EXOC4: variants seen among roughly 807,000 people sequenced by gnomAD.
EXOC4 encodes the protein SEC8-like 1.
A neutral mutation model predicts 107.2 loss-of-function variants in EXOC4; 71 were observed. The ratio of observed to expected loss-of-function variants is 0.66; its 90% CI spans 0.55 to 0.81. EXOC4 has a LOEUF of 0.81. Among genes scored for constraint, EXOC4 ranks in the 30% least tolerant of loss-of-function variants. EXOC4 has a pLI of 0.00. For missense variants in EXOC4, 1,108 were observed against 1,189.6 expected (o/e 0.93, Z 1.01); for synonymous variants, 456 against 441.2 (o/e 1.03, Z -0.42).
chr7:133,649,499 T>A (rs1374626604), intron 10 of EXOC4, among the ~76,000 whole-genome samples: 3 of 146,554 alleles, frequency 2.0e-5, no homozygotes, highest in Non-Finnish European at 4.5e-5. Flanking sequence ...CAGTAAAGAT[T>A]ATTTATAACT....
chr7:133,763,634 A>G (rs768952796), intron 10 of EXOC4, among the ~76,000 whole-genome samples: 6 of 151,958 alleles, frequency 3.9e-5, no homozygotes, highest in Admixed American at 2.6e-4. Context: ...TGTTACTGTC[A>G]TATAGGATTG....
chr7:133,856,626 T>C (rs896669641), intron 11 of EXOC4, among the ~76,000 whole-genome samples: 1 of 152,192 alleles, frequency 6.6e-6, no homozygotes, highest in Non-Finnish European at 1.5e-5. Flanking sequence ...TGGTACCTCT[T>C]AGATATCATT....
intron 11 of EXOC4, among the ~76,000 whole-genome samples, chr7:133,829,479 G>A (rs994320220): frequency 2.0e-5 from 3 of 152,204 alleles, no homozygotes; most frequent in Non-Finnish European, 4.4e-5. Context: ...TTTCTCTCCA[G>A]ACCAAAGTTT....
intron 7 of EXOC4, among the ~76,000 whole-genome samples, chr7:133,384,384 A>C (rs1478023329): frequency 2.0e-5 from 3 of 152,076 alleles, no homozygotes; most frequent in Non-Finnish European, 4.4e-5. Context: ...ACTGCCTCCA[A>C]AGCTTATCTC....
At chr7:133,704,264 T>C (rs1217140053) in intron 10 of EXOC4, among the ~76,000 whole-genome samples, 1 of 152,180 alleles carries the variant, frequency 6.6e-6, no homozygotes, top group African/African-American at 2.4e-5. Flanking sequence ...GATCTTTATT[T>C]TTAGCTTTAT....
At chr7:133,365,760 AAAATAGT>A (rs2150674098) in intron 6 of EXOC4, among the ~76,000 whole-genome samples, 2 of 152,292 alleles carry the variant, frequency 1.3e-5, no homozygotes, top group East Asian at 3.9e-4. Context: ...TTTGAAATGA[AAAATAGT>A]AGCTCAGCCA....
chr7:133,562,223 G>A (rs959257340), intron 9 of EXOC4, among the ~76,000 whole-genome samples: 1 of 152,126 alleles, frequency 6.6e-6, no homozygotes, highest in Non-Finnish European at 1.5e-5. Context: ...TTCTGTGAAG[G>A]GTGCAGTTGC....
chr7:133,290,882 G>C (rs370845632), intron 3 of EXOC4: 1 of 152,188 alleles, frequency 6.6e-6, no homozygotes. Flanking sequence ...CATGTATGTG[G>C]AATGTCACCT....
chr7:133,378,532 G>A (rs1796543533), intron 7 of EXOC4, among the ~76,000 whole-genome samples: 1 of 151,788 alleles, frequency 6.6e-6, no homozygotes, highest in Admixed American at 6.6e-5. Context: ...AATATATTTT[G>A]GAAGGCAATA....
At chr7:133,747,645 A>C (rs916273489) in intron 10 of EXOC4, among the ~76,000 whole-genome samples, 1 of 152,126 alleles carries the variant, frequency 6.6e-6, no homozygotes, top group African/African-American at 2.4e-5. Context: ...ATGTTGGTAA[A>C]ATGATGATGG....
intron 9 of EXOC4, among the ~76,000 whole-genome samples, chr7:133,490,878 G>C (rs181156539): frequency 6.6e-6 from 1 of 152,190 alleles, no homozygotes; most frequent in Admixed American, 6.5e-5. Context: ...AATTCTATAG[G>C]AAAAAATAAC....
chr7:133,411,581 T>G (rs1797357209), intron 7 of EXOC4, among the ~76,000 whole-genome samples: 1 of 152,202 alleles, frequency 6.6e-6, no homozygotes, highest in South Asian at 2.1e-4. Flanking sequence ...ATTCGTACAC[T>G]GGCAGAATGC....
chr7:134,022,047 C>A (rs1310195466), intron 17 of EXOC4, among the ~76,000 whole-genome samples: 1 of 152,158 alleles, frequency 6.6e-6, no homozygotes, highest in Non-Finnish European at 1.5e-5. Flanking sequence ...CCTTAGGTGA[C>A]AGTCTTCTGT....
At chr7:133,928,963 C>T (rs1800114153) in intron 13 of EXOC4, among the ~76,000 whole-genome samples, 1 of 121,930 alleles carries the variant, frequency 8.2e-6, no homozygotes, top group African/African-American at 3.2e-5. Context: ...GACGGAGTCT[C>T]CATCTGTCGC....
At chr7:133,388,848 T>C (rs1205831262) in intron 7 of EXOC4, among the ~76,000 whole-genome samples, 3 of 152,224 alleles carry the variant, frequency 2.0e-5, no homozygotes. Flanking sequence ...ATCTGTCATT[T>C]TATTTTTATC....
chr7:133,758,830 C>A (rs1391659401), intron 10 of EXOC4, among the ~76,000 whole-genome samples: 2 of 152,058 alleles, frequency 1.3e-5, no homozygotes, highest in African/African-American at 2.4e-5. Flanking sequence ...TTCCCCCTGC[C>A]CCCCAGAGAT....
At chr7:133,884,241 G>A (rs1225625568) in intron 11 of EXOC4, among the ~76,000 whole-genome samples, 20 of 152,170 alleles carry the variant, frequency 1.3e-4, no homozygotes, top group Non-Finnish European at 2.9e-5. Context: ...CTTACATACA[G>A]GGGAGAGAGT....
intron 9 of EXOC4, among the ~76,000 whole-genome samples, chr7:133,598,016 C>G (rs1389194166): frequency 6.6e-6 from 1 of 151,778 alleles, no homozygotes; most frequent in African/African-American, 2.4e-5. Context: ...AACACTCTGT[C>G]TCAAATAAAG....
At chr7:133,605,792 C>T (rs903962246) in intron 9 of EXOC4, among the ~76,000 whole-genome samples, 2 of 152,070 alleles carry the variant, frequency 1.3e-5, no homozygotes, top group African/African-American at 4.8e-5. Flanking sequence ...ATAGATGGTA[C>T]TTAAAGCCAC....
Sources: gnomAD v4.1 joint callset for allele counts (sites outside exome capture counted in the v4.1 genomes callset) on GRCh38, gnomAD v4.1.1 for gene constraint, MANE v1.5 for transcripts, NCBI Gene and HGNC (gene_info 2026-07-23, HGNC 2026-07-21) for gene names.